The following WDR3 variants were observed in gnomAD, a reference collection of about 807,000 sequenced individuals.
WDR3 encodes the protein WD repeat domain 3.
In WDR3, 81 loss-of-function variants were observed where a neutral mutation model predicts 123.7. The ratio of observed to expected loss-of-function variants is 0.65; its 90% CI spans 0.55 to 0.79. The LOEUF (loss-of-function observed/expected upper bound fraction) is 0.79, where lower values mean the gene tolerates loss of function less well. Among genes scored for constraint, WDR3 ranks in the 30% least tolerant of loss-of-function variants. The pLI is 0.00. For synonymous variants in WDR3, 390 were observed against 388.8 expected (o/e 1.00, Z -0.04); for missense variants, 1,027 against 1,123.2 (o/e 0.91, Z 1.22).
intron 6 of WDR3, among the ~76,000 whole-genome samples, chr1:117,939,922 T>C (rs1173617980): frequency 6.6e-6 from 1 of 152,220 alleles, no homozygotes; most frequent in African/African-American, 2.4e-5. Context: ...TAAATATGTA[T>C]ATTCTGAAAA....
intron 12 of WDR3, 53 bp from the exon 13 acceptor site, chr1:117,948,352 A>G (rs1252121744): frequency 6.6e-7 from 1 of 1,505,006 alleles, no homozygotes; most frequent in Non-Finnish European, 9.2e-7. Flanking sequence ...GTCATGAATC[A>G]TGGAGGTTGT....
chr1:117,954,612 T>C lies in WDR3; in HGVS notation c.2394T>C (p.Ala798=). The change falls in exon 23 of 27, where the codon GCT becomes GCC. Residue 798 remains alanine, a synonymous_variant. Coordinates refer to ENST00000349139, the MANE Select transcript of WDR3 (RefSeq NM_006784.3). ...VPLPSNPILM[A]YGSISPSAYV... is the part of the protein sequence containing the mutation. ...TTCCCAGCAACCCCATCCTAATGGC[T>C]TATGGCAGTATCTCAGTGAGTAAAA... 6.2e-7 allele frequency: 1 copy of C among 1,612,610 alleles called. No homozygotes were observed. Among genetic ancestry groups the C allele is most frequent in the Non-Finnish European group, 8.5e-7 (1 of 1,179,148 alleles).
chr1:117,963,994 AC>A lies in WDR3; in HGVS notation c.*4549del. The A allele has an allele frequency of 1.9e-5, 29 of 1,541,150 alleles. No individual in the cohort carries two copies. Among genetic ancestry groups the A allele is most frequent in the Non-Finnish European group, 2.4e-5 (27 of 1,135,606 alleles). On this transcript the variant is annotated 3_prime_UTR_variant, in exon 27 of 27. Transcript: ENST00000349139. ...ATGACTAAATTATTTGCATATATAAACCTAAATAACATTTTAGAATCATAGA... is the reference window on the plus strand; with the variant it reads ...ATGACTAAATTATTTGCATATATAAACTAAATAACATTTTAGAATCATAGA...
Position 117,934,604 on chromosome 1 carries a change from G to A in WDR3, c.303G>A (p.Val101=). The part of the protein sequence containing the change: ...IFSLLSGEGN[V]TFNGHKAAIT... Reference sequence around the variant, plus strand: ...GTCTCCTGAGTGGGGAAGGAAATGTGACCTTCAATGGTCACAAAGCAGCTA... The same window carrying A: ...GTCTCCTGAGTGGGGAAGGAAATGTAACCTTCAATGGTCACAAAGCAGCTA... Residue 101 remains valine (V), a synonymous_variant, in exon 3 of 27, where the codon GTG becomes GTA. Coordinates refer to ENST00000349139, the MANE Select transcript of WDR3 (RefSeq NM_006784.3). 1 of 1,614,096 alleles carries A rather than the reference G, an allele frequency of 6.2e-7. No individual in the cohort carries two copies. Among genetic ancestry groups the A allele is most frequent in the Non-Finnish European group, 8.5e-7 (1 of 1,180,014 alleles).
intron 15 of WDR3, 106 bp downstream of exon 15, chr1:117,950,236 C>G: frequency 1.5e-6 from 2 of 1,324,396 alleles, no homozygotes; most frequent in Non-Finnish European, 2.1e-6. Context: ...AGCGATAGTA[C>G]ATTTCTAAAA....
chr1:117,935,879 AAAAG>A (rs1241470764), intron 3 of WDR3, among the ~76,000 whole-genome samples: 6 of 151,946 alleles, frequency 3.9e-5, no homozygotes, highest in South Asian at 2.1e-4. Context: ...TTTCAATATA[AAAAG>A]AAAGGATTAG....
chr1:117,965,786 A>C lies in WDR3; in HGVS notation c.*6339A>C, dbSNP rs1024102849. The C allele has an allele frequency of 6.6e-6, 1 of 152,226 alleles. No homozygotes were observed. Among genetic ancestry groups the C allele is most frequent in the African/African-American group, 2.4e-5 (1 of 41,466 alleles). The allele number at this position is 152,226 out of a possible 1,614,324, so 9.4% of individuals were successfully genotyped here. On this transcript the variant is annotated 3_prime_UTR_variant, in exon 27 of 27. Transcript: ENST00000349139. Reference sequence around the variant, plus strand: ...TCTGCAGTGGTTCACTGCTGCTTAAATAATAAAATTCAAGCCAAGGATTTA... The same window carrying C: ...TCTGCAGTGGTTCACTGCTGCTTAACTAATAAAATTCAAGCCAAGGATTTA...
At chr1:117,956,681 A>G (rs531700904) in intron 24 of WDR3, among the ~76,000 whole-genome samples, 7 of 152,326 alleles carry the variant, frequency 4.6e-5, no homozygotes, top group Admixed American at 1.3e-4. Context: ...TAGCAAAATT[A>G]AAATAGTGTA....
intron 25 of WDR3, 80 bp from the exon 26 acceptor site, chr1:117,958,830 G>C: frequency 1.5e-6 from 1 of 679,372 alleles, no homozygotes; most frequent in South Asian, 3.0e-5. Context: ...CTTTGATATT[G>C]TGTCTGTTTA....
rs1214905083 is a variant in WDR3, at chr1:117,933,839, A to G, written c.171+349A>G. Reference sequence around the variant, plus strand: ...TGCTTATAGCTGGTTATAAAATATTAGGCATGTAAAAGGAAGGTTAGTCTA... The same window carrying G: ...TGCTTATAGCTGGTTATAAAATATTGGGCATGTAAAAGGAAGGTTAGTCTA... On this transcript the variant is annotated intron_variant, in intron 2 of 26. Transcript: ENST00000349139. 1.4e-5 allele frequency: 4 copies of G among 284,898 alleles called. No homozygotes were observed. In the Admixed American group the frequency reaches 2.0e-4, roughly 14 times the overall value. 17.6% of individuals were successfully genotyped at this position (284,898 alleles called of 1,614,324 possible). A position where few individuals can be genotyped will look rare whatever the true frequency, so the allele number is the denominator to read the frequency against.
intron 4 of WDR3, 93 bp from the exon 5 acceptor site, chr1:117,938,387 C>A: frequency 1.0e-6 from 1 of 952,396 alleles, no homozygotes; most frequent in Non-Finnish European, 1.6e-6. Flanking sequence ...AGCATATGTT[C>A]CTTTTAAAGC....
intron 9 of WDR3, 99 bp from the exon 10 acceptor site, chr1:117,942,338 C>G (rs1651199226): frequency 1.1e-6 from 1 of 920,208 alleles, no homozygotes; most frequent in African/African-American, 1.7e-5. Flanking sequence ...TCCAGAATAA[C>G]ACAGTTTGTT....
At chr1:117,931,361 A>T (rs1650711536) in intron 1 of WDR3, among the ~76,000 whole-genome samples, 1 of 152,238 alleles carries the variant, frequency 6.6e-6, no homozygotes, top group African/African-American at 2.4e-5. Context: ...ACTATAGCGT[A>T]AGCACTCTCT....
intron 23 of WDR3, 134 bp from the exon 24 acceptor site, chr1:117,955,181 C>G: frequency 3.0e-6 from 2 of 667,620 alleles, no homozygotes; most frequent in Non-Finnish European, 2.5e-6. Context: ...TAAACTCATG[C>G]AGATCTTGCC....
chr1:117,953,535 G>A lies in WDR3; in HGVS notation c.2262G>A (p.Val754=), dbSNP rs1481605230. ...CTGGAAAGAAAACTATTGAAACAGTGAAAGCAGTAAGTTGATATAGAATGT... is the reference window on the plus strand; with the variant it reads ...CTGGAAAGAAAACTATTGAAACAGTAAAAGCAGTAAGTTGATATAGAATGT... ...YFTGKKTIET[V]KAAERIMEAI... Residue 754 remains valine, a synonymous_variant, in exon 21 of 27, where the codon GTG becomes GTA. Transcript: ENST00000349139. The A allele has an allele frequency of 6.2e-7, 1 of 1,612,540 alleles. No individual in the cohort carries two copies. The highest frequency in any genetic ancestry group is 8.5e-7 in the Non-Finnish European group (1 of 1,179,018).
At position 117,959,009 on chromosome 1, in the gene WDR3, T is replaced by C; in HGVS notation, c.2676+6T>C. The stretch of plus-strand genomic sequence containing the variant: ...CAAAAGTCAGCCAAGTCCGGGTAAG[T>C]GTCTTTGTATAGAGATAAAATAATG... On this transcript the variant is annotated splice_donor_region_variant and intron_variant, in intron 26 of 26. Transcript: ENST00000349139. 6.2e-7 allele frequency: 1 copy of C among 1,613,036 alleles called. No individual in the cohort carries two copies. Among genetic ancestry groups the C allele is most frequent in the South Asian group, 1.1e-5 (1 of 91,020 alleles).
In WDR3 at chr1:117,943,463, G is replaced by A. The variant is rs1479742039; in HGVS notation, c.1165G>A (p.Val389Met). ...TGTCTTCCTGCTGCAGAACAACCTG[G>A]TGGAATTGTATTCACTGAATCCATC... is the stretch of plus-strand genomic sequence containing the variant. ...KAVFLLQNNL[V>M]ELYSLNPSLP... The change falls in exon 11 of 27, where the codon GTG (valine) becomes ATG (methionine). Residue 389 changes from valine to methionine, a missense_variant. Transcript: ENST00000349139. 6.2e-7 allele frequency: 1 copy of A among 1,614,036 alleles called. No individual in the cohort carries two copies. The highest frequency in any genetic ancestry group is 1.1e-5 in the South Asian group (1 of 91,078).
rs1001708329 is a variant in WDR3 at position 117,966,107 on chromosome 1, A to T, written c.*6660A>T. 1 of 152,274 alleles carries T rather than the reference A, an allele frequency of 6.6e-6. No individual in the cohort carries two copies. The allele number at this position is 152,274 out of a possible 1,614,324, so 9.4% of individuals were successfully genotyped here. A position where few individuals can be genotyped will look rare whatever the true frequency, so the allele number is the denominator to read the frequency against. On this transcript the variant is annotated 3_prime_UTR_variant, in exon 27 of 27. Transcript: ENST00000349139. Reference sequence around the variant, plus strand: ...AGACTTTATTTCTGCTACAAATTATATAATACCTTTTAAGACAGAGTCCAA... The same window carrying T: ...AGACTTTATTTCTGCTACAAATTATTTAATACCTTTTAAGACAGAGTCCAA...
chr1:117,930,299 A>G (rs1650660549), intron 1 of WDR3, among the ~76,000 whole-genome samples: 1 of 152,234 alleles, frequency 6.6e-6, no homozygotes, highest in Admixed American at 6.5e-5. Context: ...TAGTTTAAAT[A>G]TCGAGGCGAT....
Sources: allele counts gnomAD v4.1 joint callset (sites outside exome capture counted in the v4.1 genomes callset), GRCh38; gene constraint gnomAD v4.1.1; transcripts MANE v1.5; gene names NCBI Gene and HGNC (gene_info 2026-07-23, HGNC 2026-07-21).